DNAI4: variants seen among roughly 807,000 people sequenced by gnomAD.
The protein encoded by DNAI4 is WD repeat domain 78.
A neutral mutation model predicts 105.8 loss-of-function variants in DNAI4; 85 were observed. The observed-to-expected ratio is 0.80, with a 90% CI of 0.67 to 0.96. The LOEUF (loss-of-function observed/expected upper bound fraction) is 0.96. Among genes scored for constraint, DNAI4 ranks in the 40% least tolerant of loss-of-function variants. DNAI4 has a pLI of 0.00. For missense variants in DNAI4, 1,014 were observed against 1,005.6 expected (o/e 1.01, Z -0.11); for synonymous variants, 352 against 331.5 (o/e 1.06, Z -0.67).
In DNAI4 at chr1:66,905,296, C is replaced by T; in HGVS notation, c.250G>A (p.Ala84Thr). 2.5e-6 allele frequency: 4 copies of T among 1,580,154 alleles called. No individual in the cohort carries two copies. The highest frequency in any genetic ancestry group is 3.5e-6 in the Non-Finnish European group (4 of 1,157,370). ...GACACAGCCATTCTGCTTTGATTTG[C>T]ACCAGTATATCCTTTCACTGAAGTT... ...KATSVKGYTG[A>T]NQSRMAVSKT... is the part of the protein sequence containing the mutation. The change falls in exon 2 of 17, where the codon GCA becomes ACA. Residue 84 changes from alanine to threonine, a missense_variant. Ala to Thr is a moderately conservative substitution (Grantham distance 58). Coordinates refer to ENST00000371026, the MANE Select transcript of DNAI4 (RefSeq NM_024763.5).
chr1:66,825,166 C>CTTT (rs759572433), intron 15 of DNAI4, among the ~76,000 whole-genome samples: 401 of 95,916 alleles, frequency 4.2e-3, no homozygotes, highest in East Asian at 8.9e-3. Flanking sequence ...TAATAACTGT[C>CTTT]TTTTTTTTTT....
chr1:66,907,211 G>T (rs1649323918), intron 1 of DNAI4, among the ~76,000 whole-genome samples: 1 of 151,996 alleles, frequency 6.6e-6, no homozygotes, highest in Admixed American at 6.6e-5. Flanking sequence ...TTCTTCTTCA[G>T]CTGACCATTC....
At chr1:66,911,079 C>A (rs987103372) in intron 1 of DNAI4, among the ~76,000 whole-genome samples, 1 of 152,158 alleles carries the variant, frequency 6.6e-6, no homozygotes, top group African/African-American at 2.4e-5. Context: ...CCTCTGACTT[C>A]GAATGGCAGT....
At chr1:66,842,032 T>G (rs1646160200) in intron 8 of DNAI4, among the ~76,000 whole-genome samples, 1 of 152,248 alleles carries the variant, frequency 6.6e-6, no homozygotes, top group African/African-American at 2.4e-5. Flanking sequence ...ACTATTTTAC[T>G]GTCTCCATAT....
intron 16 of DNAI4, among the ~76,000 whole-genome samples, chr1:66,821,581 G>T (rs1482239214): frequency 6.6e-6 from 1 of 152,080 alleles, no homozygotes; most frequent in East Asian, 1.9e-4. Flanking sequence ...AATGCTATTA[G>T]AATTTAATAA....
At position 66,826,702 on chromosome 1, in the gene DNAI4, T is replaced by A. The variant is rs1201484758; in HGVS notation, c.2339+118A>T. On this transcript the variant is annotated intron_variant, in intron 15 of 16. Transcript: ENST00000371026. ...TATCTTTATTCATAAAGGACTCTCA[T>A]AAACTATTACTTCTTTTAAAGTAAC... is the stretch of plus-strand genomic sequence containing the variant. 4.8e-6 allele frequency: 4 copies of A among 835,012 alleles called. No homozygotes were observed. The African/African-American group carries it at 6.9e-5, about 14-fold the overall frequency. The allele number at this position is 835,012 out of a possible 1,614,324, so 51.7% of individuals were successfully genotyped here.
At chr1:66,826,773 T>A (rs746107919) in intron 15 of DNAI4, 47 bp downstream of exon 15, 1 of 1,561,794 alleles carries the variant, frequency 6.4e-7, no homozygotes, top group East Asian at 2.3e-5. Context: ...TATCACTTAG[T>A]TTGAACTGCT....
At chr1:66,844,499 G>T (rs2100506164) in intron 8 of DNAI4, among the ~76,000 whole-genome samples, 1 of 152,174 alleles carries the variant, frequency 6.6e-6, no homozygotes, top group African/African-American at 2.4e-5. Flanking sequence ...GGAGGCGGAG[G>T]TTGTGGTGAG....
intron 1 of DNAI4, among the ~76,000 whole-genome samples, chr1:66,911,310 C>T (rs954572706): frequency 2.2e-4 from 34 of 152,178 alleles, no homozygotes; most frequent in African/African-American, 8.0e-4. Context: ...TCTGGGCACA[C>T]CACCTTTTAG....
At chr1:66,883,044 T>G (rs1024729761) in intron 4 of DNAI4, among the ~76,000 whole-genome samples, 3 of 152,096 alleles carry the variant, frequency 2.0e-5, no homozygotes, top group African/African-American at 7.2e-5. Context: ...GTAAATGTTT[T>G]TTGTTGTTGT....
intron 7 of DNAI4, chr1:66,848,341 C>T (rs1230892120): frequency 2.2e-6 from 1 of 445,930 alleles, no homozygotes; most frequent in Non-Finnish European, 4.5e-6. Flanking sequence ...TTTTAGTACC[C>T]CATGTGATTA....
At chr1:66,852,090 A>T (rs936314143) in intron 7 of DNAI4, among the ~76,000 whole-genome samples, 2 of 151,984 alleles carry the variant, frequency 1.3e-5, no homozygotes, top group African/African-American at 2.4e-5. Flanking sequence ...GATCCTACAG[A>T]CGTCAAAGTG....
Position 66,813,945 on chromosome 1 carries a change from ACT to A in DNAI4, c.*183_*184del, listed in dbSNP as rs2100267425. 2.1e-6 allele frequency: 1 copy of A among 487,524 alleles called. No homozygotes were observed. The highest frequency in any genetic ancestry group is 3.3e-5 in the East Asian group (1 of 30,426). The allele number at this position is 487,524 out of a possible 1,614,324, so 30.2% of individuals were successfully genotyped here. On this transcript the variant is annotated 3_prime_UTR_variant, in exon 17 of 17. Coordinates refer to ENST00000371026, the MANE Select transcript of DNAI4 (RefSeq NM_024763.5). The stretch of plus-strand genomic sequence containing the variant: ...AATTCCACTGAAACTCTTAAGAATA[ACT>A]CTTAGATTGTAAACTAATCAAATAT...
intron 5 of DNAI4, among the ~76,000 whole-genome samples, chr1:66,873,757 T>C (rs1318598549): frequency 6.6e-6 from 1 of 151,960 alleles, no homozygotes; most frequent in Non-Finnish European, 1.5e-5. Flanking sequence ...ATCACTGGTC[T>C]CCAGATCCAT....
chr1:66,868,946 C>T (rs532254315), intron 6 of DNAI4, among the ~76,000 whole-genome samples: 2 of 151,776 alleles, frequency 1.3e-5, no homozygotes, highest in Non-Finnish European at 2.9e-5. Flanking sequence ...TGTGTTGGTG[C>T]GCCTGTAGTC....
chr1:66,863,263 C>T (rs567062240), intron 6 of DNAI4, among the ~76,000 whole-genome samples: 37 of 152,086 alleles, frequency 2.4e-4, no homozygotes, highest in Non-Finnish European at 4.7e-4. Flanking sequence ...GCTAAATTTA[C>T]CAATTTTTCA....
intron 15 of DNAI4, among the ~76,000 whole-genome samples, chr1:66,825,974 T>C (rs1645744090): frequency 6.6e-6 from 1 of 152,196 alleles, no homozygotes. Context: ...ACGTTTTTAT[T>C]TCAACATTGT....
At chr1:66,893,687 C>G (rs1648062130) in intron 2 of DNAI4, among the ~76,000 whole-genome samples, 1 of 151,996 alleles carries the variant, frequency 6.6e-6, no homozygotes, top group Non-Finnish European at 1.5e-5. Flanking sequence ...GATAATTCAT[C>G]CAGATTGTTA....
chr1:66,918,063 T>C (rs1272245427), intron 1 of DNAI4, among the ~76,000 whole-genome samples: 1 of 152,226 alleles, frequency 6.6e-6, no homozygotes, highest in Admixed American at 6.5e-5. Context: ...AGGTATTTGA[T>C]TGCATAAATC....
Sources: allele counts gnomAD v4.1 joint callset (sites outside exome capture counted in the v4.1 genomes callset), GRCh38; gene constraint gnomAD v4.1.1; transcripts MANE v1.5; gene names NCBI Gene and HGNC (gene_info 2026-07-23, HGNC 2026-07-21).